Variants in SPAG17 observed in about 807,000 individuals in gnomAD.
SPAG17 encodes sperm-associated antigen 17.
In SPAG17, 169 loss-of-function variants were observed where a neutral mutation model predicts 273.6. The ratio of observed to expected loss-of-function variants is 0.62; its 90% CI spans 0.55 to 0.70. SPAG17 has a LOEUF of 0.70. Among genes scored for constraint, SPAG17 ranks in the 30% least tolerant of loss-of-function variants. The pLI is 0.00. For missense variants in SPAG17, 2,557 were observed against 2,627.8 expected (o/e 0.97, Z 0.59); for synonymous variants, 825 against 873.2 (o/e 0.94, Z 0.97).
intron 43 of SPAG17, among the ~76,000 whole-genome samples, chr1:117,980,358 G>A (rs529150034): frequency 8.2e-4 from 124 of 151,914 alleles, no homozygotes; most frequent in African/African-American, 2.9e-3. Flanking sequence ...CAGGCTCCTC[G>A]GTAGCTAGCA....
chr1:117,981,420 A>G lies in SPAG17; in HGVS notation c.5873-19T>C. The G allele has an allele frequency of 1.3e-6, 2 of 1,587,180 alleles. No homozygotes were observed. Among genetic ancestry groups the G allele is most frequent in the Non-Finnish European group, 1.7e-6 (2 of 1,173,120 alleles). On this transcript the variant is annotated intron_variant, in intron 42 of 48. Coordinates refer to ENST00000336338, the MANE Select transcript of SPAG17 (RefSeq NM_206996.4). ...TTGAAATCTAGAAAACCCAAAATGAACCTTATAAAGTGATATTTTGTAAAA... is the reference window on the plus strand; with the variant it reads ...TTGAAATCTAGAAAACCCAAAATGAGCCTTATAAAGTGATATTTTGTAAAA...
chr1:117,973,325 A>G (rs1654773217), intron 44 of SPAG17, 100 bp downstream of exon 44: 2 of 1,461,232 alleles, frequency 1.4e-6, no homozygotes, highest in Admixed American at 2.0e-5. Flanking sequence ...TCAGAATTAC[A>G]TAAAATCTAC....
intron 1 of SPAG17, among the ~76,000 whole-genome samples, chr1:118,153,272 T>TA (rs1659486859): frequency 6.6e-6 from 1 of 152,188 alleles, no homozygotes; most frequent in South Asian, 2.1e-4. Flanking sequence ...ATTGAATCCC[T>TA]AAGTTACCCT....
chr1:118,178,437 C>T (rs1660793784), intron 1 of SPAG17, among the ~76,000 whole-genome samples: 1 of 151,870 alleles, frequency 6.6e-6, no homozygotes, highest in Admixed American at 6.6e-5. Context: ...GTAGAAGAAA[C>T]ATACCTCAAA....
chr1:118,099,202 G>C (rs1655903760), intron 6 of SPAG17, among the ~76,000 whole-genome samples: 1 of 152,134 alleles, frequency 6.6e-6, no homozygotes, highest in Admixed American at 6.6e-5. Flanking sequence ...GCAGAACAGG[G>C]CAAGAATCTA....
chr1:118,072,910 A>G (rs1653743325), intron 17 of SPAG17, among the ~76,000 whole-genome samples: 1 of 152,054 alleles, frequency 6.6e-6, no homozygotes, highest in African/African-American at 2.4e-5. Flanking sequence ...CTAAAACTAA[A>G]CAAAATATAC....
At chr1:117,966,311 A>AT (rs1305699216) in intron 47 of SPAG17, 7 of 223,514 alleles carry the variant, frequency 3.1e-5, no homozygotes, top group East Asian at 1.9e-4. Flanking sequence ...TAAAATTATA[A>AT]TTTTTTTGTG....
At chr1:118,061,092 A>G (rs1299763569) in intron 18 of SPAG17, among the ~76,000 whole-genome samples, 3 of 152,216 alleles carry the variant, frequency 2.0e-5, no homozygotes. Flanking sequence ...GAACCCTTAT[A>G]TATGGTTGGT....
chr1:118,148,471 C>T (rs1659188653), intron 3 of SPAG17, among the ~76,000 whole-genome samples: 1 of 152,170 alleles, frequency 6.6e-6, no homozygotes, highest in Admixed American at 6.5e-5. Context: ...GCTGATTGGT[C>T]CACTTTACAG....
intron 32 of SPAG17, among the ~76,000 whole-genome samples, chr1:118,000,805 C>T (rs58496410): frequency 0.11 from 16,892 of 152,070 alleles, 2,609 homozygotes; most frequent in African/African-American, 0.35. Context: ...TAATTGAATA[C>T]CCTTTATTTC....
chr1:117,978,285 A>C (rs1655353551), intron 43 of SPAG17, among the ~76,000 whole-genome samples: 1 of 152,002 alleles, frequency 6.6e-6, no homozygotes, highest in African/African-American at 2.4e-5. Flanking sequence ...CCCCACACCA[A>C]ACCTATCAAC....
intron 40 of SPAG17, among the ~76,000 whole-genome samples, chr1:117,987,267 A>C (rs1282656506): frequency 6.6e-6 from 1 of 152,002 alleles, no homozygotes; most frequent in South Asian, 2.1e-4. Context: ...TTATCTCAGC[A>C]CTCCCCTAAC....
At chr1:117,966,994 T>G (rs1557843821) in intron 46 of SPAG17, among the ~76,000 whole-genome samples, 3 of 152,000 alleles carry the variant, frequency 2.0e-5, no homozygotes, top group Non-Finnish European at 4.4e-5. Flanking sequence ...CAGGTGCTAT[T>G]TAGGAAAAAG....
intron 46 of SPAG17, among the ~76,000 whole-genome samples, chr1:117,969,163 C>A (rs1277345138): frequency 6.7e-6 from 1 of 149,876 alleles, no homozygotes; most frequent in Non-Finnish European, 1.5e-5. Context: ...TATTAATATG[C>A]ATTTTTTTTT....
intron 40 of SPAG17, among the ~76,000 whole-genome samples, chr1:117,987,225 T>C (rs1030324184): frequency 2.0e-5 from 3 of 152,304 alleles, no homozygotes; most frequent in Middle Eastern, 6.8e-3. Flanking sequence ...TTTGACCTTG[T>C]ATAGGGGAGG....
rs567925006 is a variant in SPAG17, at chr1:118,142,278, C to T, written c.315+8265G>A. Among the ~76,000 whole-genome samples the T allele has an allele frequency of 5.3e-5, 8 of 152,228 alleles. No individual in the cohort carries two copies. In the South Asian group the frequency reaches 1.7e-3, roughly 32 times the overall value. On this transcript the variant is annotated intron_variant, in intron 3 of 48. Transcript: ENST00000336338. Reference sequence around the variant, plus strand: ...ATGAGGTATCCAGAGTCGTCAAATTCGTAGAAACAGAAAATCGAACAGTGG... The same window carrying T: ...ATGAGGTATCCAGAGTCGTCAAATTTGTAGAAACAGAAAATCGAACAGTGG...
chr1:118,093,012 C>T, intron 8 of SPAG17, 144 bp downstream of exon 8: 1 of 832,886 alleles, frequency 1.2e-6, no homozygotes, highest in Non-Finnish European at 1.8e-6. Flanking sequence ...AAGCCCCCAT[C>T]ATGTAGCTAT....
At position 117,994,501 on chromosome 1, in the gene SPAG17, A is replaced by G. The variant is rs376665950; in HGVS notation, c.5083T>C (p.Phe1695Leu). 15 of 1,612,588 alleles carry G rather than the reference A, an allele frequency of 9.3e-6. No homozygotes were observed. The highest frequency in any genetic ancestry group is 1.2e-5 in the Non-Finnish European group (14 of 1,179,126). The change falls in exon 35 of 49, where the codon TTC (phenylalanine) becomes CTC (leucine). Residue 1695 changes from phenylalanine to leucine, a missense_variant. Phe to Leu is a conservative substitution (Grantham distance 22, BLOSUM62 0). Coordinates refer to ENST00000336338, the MANE Select transcript of SPAG17 (RefSeq NM_206996.4). Reference protein sequence around the residue: ...GTLTITVLRPFHEASPWQVKK... With the variant: ...GTLTITVLRPLHEASPWQVKK... The stretch of plus-strand genomic sequence containing the variant: ...ACTTGCCATGGTGATGCTTCATGGA[A>G]AGGGCGAAGGACTGTGATGGTTAGG...
Position 117,996,379 on chromosome 1 carries a change from C to G in SPAG17, c.5044G>C (p.Glu1682Gln). 6.2e-7 allele frequency: 1 copy of G among 1,611,760 alleles called. No homozygotes were observed. The highest frequency in any genetic ancestry group is 8.5e-7 in the Non-Finnish European group (1 of 1,178,758). Reference sequence around the variant, plus strand: ...AGTATGGGTCCTCTACCTGGCTGTTCCTGCACTGGCTCTTGGAGAACAACA... The same window carrying G: ...AGTATGGGTCCTCTACCTGGCTGTTGCTGCACTGGCTCTTGGAGAACAACA... The part of the protein sequence containing the change: ...NTVVLQEPVQ[E>Q]QPGTLTITVL... Residue 1682 changes from glutamate to glutamine, a missense_variant, in exon 34 of 49, where the codon GAA (glutamate) becomes CAA (glutamine). Transcript: ENST00000336338.
Sources: allele counts gnomAD v4.1 joint callset (sites outside exome capture counted in the v4.1 genomes callset), GRCh38; gene constraint gnomAD v4.1.1; transcripts MANE v1.5; gene names NCBI Gene and HGNC (gene_info 2026-07-23, HGNC 2026-07-21).